TAS2R1: variants seen among roughly 807,000 people sequenced by gnomAD.
TAS2R1 encodes taste 2 receptor member 1.
For synonymous variants in TAS2R1, 141 were observed against 134.2 expected, an observed-to-expected ratio of 1.05 and a Z score of -0.35; for missense variants, 370 against 353.4, an observed-to-expected ratio of 1.05 and a Z score of -0.38.
the TAS2R1 span, among the ~76,000 whole-genome samples, chr5:9,792,632 T>C: frequency 6.6e-6 from 1 of 152,182 alleles, no homozygotes; most frequent in Non-Finnish European, 1.5e-5. Flanking sequence ...CAGGTGTCAA[T>C]GCTATATCCC....
At chr5:9,745,151 C>A in the TAS2R1 span, among the ~76,000 whole-genome samples, 1 of 152,102 alleles carries the variant, frequency 6.6e-6, no homozygotes. Context: ...GGCCTGGCCT[C>A]ATGGCAGTGG....
At chr5:9,699,584 T>A (rs950925488) in intron 1 of TAS2R1, among the ~76,000 whole-genome samples, 3 of 152,116 alleles carry the variant, frequency 2.0e-5, no homozygotes, top group Non-Finnish European at 2.9e-5. Flanking sequence ...ATCTAAACTC[T>A]GTCTATAAAC....
the TAS2R1 span, among the ~76,000 whole-genome samples, chr5:9,890,244 C>T: frequency 2.0e-5 from 3 of 152,144 alleles, no homozygotes; most frequent in Non-Finnish European, 4.4e-5. Flanking sequence ...AAAAAGGCCG[C>T]CTACGTGATG....
the TAS2R1 span, among the ~76,000 whole-genome samples, chr5:9,899,440 C>A: frequency 1.3e-5 from 2 of 152,154 alleles, 1 homozygote; most frequent in South Asian, 4.2e-4. Flanking sequence ...AGTTCAAGAC[C>A]AGCCTAACCA....
chr5:9,784,902 T>C, the TAS2R1 span, among the ~76,000 whole-genome samples: 2 of 152,200 alleles, frequency 1.3e-5, no homozygotes, highest in Non-Finnish European at 2.9e-5. Context: ...TAATTACATG[T>C]GCAGGAAGAC....
the TAS2R1 span, among the ~76,000 whole-genome samples, chr5:9,775,408 C>T: frequency 6.6e-6 from 1 of 152,100 alleles, no homozygotes; most frequent in South Asian, 2.1e-4. Flanking sequence ...TGAGATCCTA[C>T]TTGGTGCTCC....
At chr5:9,765,110 T>C in the TAS2R1 span, among the ~76,000 whole-genome samples, 1 of 152,060 alleles carries the variant, frequency 6.6e-6, no homozygotes, top group East Asian at 1.9e-4. Flanking sequence ...TGGAATTCAA[T>C]AAATGAGTTA....
chr5:9,769,663 G>T, the TAS2R1 span, among the ~76,000 whole-genome samples: 1 of 152,242 alleles, frequency 6.6e-6, no homozygotes, highest in Middle Eastern at 3.4e-3. Flanking sequence ...CTGATGGTCA[G>T]CGATGTTGAC....
chr5:9,780,690 T>TGTGTGTGCGC, the TAS2R1 span, among the ~76,000 whole-genome samples: 1 of 151,888 alleles, frequency 6.6e-6, no homozygotes, highest in East Asian at 2.0e-4. Flanking sequence ...TGTGTGTGTG[T>TGTGTGTGCGC]GCGCGCGCGC....
intron 1 of TAS2R1, among the ~76,000 whole-genome samples, chr5:9,666,623 G>T (rs1457029324): frequency 2.0e-5 from 3 of 152,052 alleles, no homozygotes; most frequent in Admixed American, 2.0e-4. Flanking sequence ...AAAATAGGTG[G>T]TGCATCTTCC....
the TAS2R1 span, among the ~76,000 whole-genome samples, chr5:9,791,446 C>G: frequency 6.6e-6 from 1 of 152,206 alleles, no homozygotes; most frequent in Non-Finnish European, 1.5e-5. Flanking sequence ...TGCCTGTGGT[C>G]CCGGCACTTT....
chr5:9,886,224 G>A, the TAS2R1 span, among the ~76,000 whole-genome samples: 14 of 151,570 alleles, frequency 9.2e-5, no homozygotes, highest in African/African-American at 3.4e-4. Context: ...TAGAGACGGG[G>A]TTTCACCGTG....
Position 9,629,013 on chromosome 5 carries a change from A to G in TAS2R1, c.*120T>C. On this transcript the variant is annotated 3_prime_UTR_variant, in exon 1 of 1. Transcript: ENST00000382492. ...CAGAAATACCTCAGGCTGGATAAAC[A>G]GGCCTGAAGGGGACATGTTGTATAT... 1.9e-6 allele frequency: 2 copies of G among 1,039,284 alleles called. No individual in the cohort carries two copies. Among genetic ancestry groups the G allele is most frequent in the Non-Finnish European group, 2.7e-6 (2 of 748,812 alleles). 64.4% of individuals were successfully genotyped at this position (1,039,284 alleles called of 1,614,324 possible).
chr5:9,707,023 C>A (rs554028813), intron 1 of TAS2R1, among the ~76,000 whole-genome samples: 2 of 152,302 alleles, frequency 1.3e-5, no homozygotes, highest in African/African-American at 4.8e-5. Context: ...TCAGCTTACT[C>A]TTGCCTCAGG....
the TAS2R1 span, among the ~76,000 whole-genome samples, chr5:9,779,479 C>T: frequency 6.6e-6 from 1 of 152,320 alleles, no homozygotes; most frequent in South Asian, 2.1e-4. Flanking sequence ...TCAACTCTTC[C>T]TGTCACTTGA....
chr5:9,673,827 T>C (rs1345263874), intron 1 of TAS2R1, among the ~76,000 whole-genome samples: 1 of 152,082 alleles, frequency 6.6e-6, no homozygotes, highest in Non-Finnish European at 1.5e-5. Flanking sequence ...CCATACCCTG[T>C]CTAATGGAAT....
chr5:9,703,149 G>A (rs570588399), intron 1 of TAS2R1, among the ~76,000 whole-genome samples: 2 of 152,170 alleles, frequency 1.3e-5, no homozygotes, highest in African/African-American at 4.8e-5. Flanking sequence ...AGAATTAAGG[G>A]CAAATCCCTC....
intron 1 of TAS2R1, among the ~76,000 whole-genome samples, chr5:9,679,423 A>T (rs893914755): frequency 1.3e-5 from 2 of 152,230 alleles, no homozygotes; most frequent in Non-Finnish European, 2.9e-5. Flanking sequence ...ATCTAACTGT[A>T]CTATGAATGT....
the TAS2R1 span, among the ~76,000 whole-genome samples, chr5:9,722,468 G>C: frequency 6.6e-6 from 1 of 152,176 alleles, no homozygotes; most frequent in African/African-American, 2.4e-5. Flanking sequence ...CTGGTTTCTG[G>C]AGAAACCCAA....
Sources: gnomAD v4.1 joint callset for allele counts (sites outside exome capture counted in the v4.1 genomes callset) on GRCh38, gnomAD v4.1.1 for gene constraint, MANE v1.5 for transcripts, NCBI Gene and HGNC (gene_info 2026-07-23, HGNC 2026-07-21) for gene names.